The following UBE2E2 variants were observed in gnomAD, a reference collection of about 807,000 sequenced individuals.
The protein encoded by UBE2E2 is ubiquitin-conjugating enzyme E2 E2.
UBE2E2 carries 6 observed loss-of-function variants against 24.7 expected under a neutral mutation model. That is an observed-to-expected ratio of 0.24 (90% CI 0.13 to 0.48). The LOEUF (loss-of-function observed/expected upper bound fraction) is 0.48, where lower values mean the gene tolerates loss of function less well. Ranked by LOEUF, UBE2E2 falls within the 20% of genes least tolerant of loss-of-function variation. UBE2E2 has a pLI of 0.99. For synonymous variants in UBE2E2, 104 were observed against 83.6 expected, an observed-to-expected ratio of 1.24 and a Z score of -1.33; for missense variants, 169 against 245.0, an observed-to-expected ratio of 0.69 and a Z score of 2.07.
chr3:23,442,656 C>A (rs1041035050), intron 3 of UBE2E2, among the ~76,000 whole-genome samples: 3 of 152,074 alleles, frequency 2.0e-5, no homozygotes, highest in Non-Finnish European at 4.4e-5. Flanking sequence ...GATGTCAGAG[C>A]GTTTTTTAAA....
At chr3:23,480,630 G>GA (rs34377610) in intron 3 of UBE2E2, among the ~76,000 whole-genome samples, 13,613 of 109,600 alleles carry the variant, frequency 0.12, 797 homozygotes, top group Non-Finnish European at 0.16. Flanking sequence ...CTTGTCTCAG[G>GA]AAAAAAAAAA....
chr3:23,319,977 C>A (rs1025440593), intron 3 of UBE2E2, among the ~76,000 whole-genome samples: 2 of 152,026 alleles, frequency 1.3e-5, no homozygotes, highest in African/African-American at 4.8e-5. Flanking sequence ...GGTAGTTTTT[C>A]CCCAGTGGTG....
At chr3:23,456,178 A>G (rs1012380193) in intron 3 of UBE2E2, among the ~76,000 whole-genome samples, 3 of 152,216 alleles carry the variant, frequency 2.0e-5, no homozygotes, top group Non-Finnish European at 4.4e-5. Flanking sequence ...CAGCAAATCA[A>G]TATCTTTAGG....
intron 4 of UBE2E2, among the ~76,000 whole-genome samples, chr3:23,521,466 T>A (rs1575682680): frequency 6.6e-6 from 1 of 152,254 alleles, no homozygotes; most frequent in Non-Finnish European, 1.5e-5. Context: ...GTCTAAGAGA[T>A]GTTGGTCCTT....
chr3:23,528,539 C>T (rs1013251025), intron 4 of UBE2E2, among the ~76,000 whole-genome samples: 83 of 152,190 alleles, frequency 5.5e-4, no homozygotes, highest in African/African-American at 1.9e-3. Context: ...AAGTCTCCGC[C>T]TTTTTACTTT....
chr3:23,286,501 G>GGT (rs1553598248), intron 3 of UBE2E2, among the ~76,000 whole-genome samples: 1 of 151,998 alleles, frequency 6.6e-6, no homozygotes, highest in Non-Finnish European at 1.5e-5. Context: ...TTGTTTCATT[G>GGT]GTCTGTGTGT....
intron 4 of UBE2E2, among the ~76,000 whole-genome samples, chr3:23,514,810 G>A (rs6776424): frequency 0.61 from 92,700 of 151,802 alleles, 28,829 homozygotes; most frequent in East Asian, 0.73. Flanking sequence ...TGAGGCCACA[G>A]TACTGAATTG....
At chr3:23,542,046 G>A (rs1384866597) in intron 5 of UBE2E2, among the ~76,000 whole-genome samples, 1 of 152,194 alleles carries the variant, frequency 6.6e-6, no homozygotes, top group Admixed American at 6.5e-5. Context: ...AGCTTTGGAT[G>A]CCAGCATTAT....
rs1053140858 is a variant in UBE2E2 at position 23,297,696 on chromosome 3, A to T, written c.227+80384A>T. ...GCTGTTTTGGTTACTGTAGCCTTGT[A>T]GTATAGTTTGAAGTCAGGTAGCATG... On this transcript the variant is annotated intron_variant, in intron 3 of 5. Coordinates refer to ENST00000396703, the MANE Select transcript of UBE2E2 (RefSeq NM_152653.4). 7.9e-5 allele frequency among the ~76,000 whole-genome samples: 12 copies of T among 152,100 alleles called. No individual in the cohort carries two copies. The South Asian group carries it at 8.3e-4, about 11-fold the overall frequency.
chr3:23,364,847 A>C (rs895386728), intron 3 of UBE2E2, among the ~76,000 whole-genome samples: 1 of 152,216 alleles, frequency 6.6e-6, no homozygotes, highest in Non-Finnish European at 1.5e-5. Flanking sequence ...AATATTCCTG[A>C]TGACCATAGA....
chr3:23,512,358 C>T (rs543847130), intron 4 of UBE2E2, among the ~76,000 whole-genome samples: 12 of 152,228 alleles, frequency 7.9e-5, no homozygotes, highest in African/African-American at 1.7e-4. Flanking sequence ...GCCAGGACTA[C>T]AGGCATGTGC....
intron 3 of UBE2E2, among the ~76,000 whole-genome samples, chr3:23,279,113 A>G (rs1173084378): frequency 6.6e-6 from 1 of 152,118 alleles, no homozygotes; most frequent in East Asian, 1.9e-4. Context: ...TGTTGTTGTA[A>G]TAAACATGGT....
At chr3:23,397,160 A>T (rs1697099206) in intron 3 of UBE2E2, among the ~76,000 whole-genome samples, 1 of 152,238 alleles carries the variant, frequency 6.6e-6, no homozygotes, top group Admixed American at 6.5e-5. Context: ...AATGCCAGGT[A>T]AAATAAACAG....
intron 5 of UBE2E2, among the ~76,000 whole-genome samples, chr3:23,562,815 G>A (rs1002642878): frequency 7.2e-5 from 11 of 152,144 alleles, no homozygotes; most frequent in Admixed American, 2.0e-4. Flanking sequence ...TAAGTGTCCA[G>A]GAATTTATCC....
Position 23,589,665 on chromosome 3 carries a change from C to A in UBE2E2, c.509-69C>A. ...CATCTCCTACCCTCCCACTCCTTGC[C>A]AGCTTTCTGAACACTTCTTCCCCCA... is the stretch of plus-strand genomic sequence containing the variant. On this transcript the variant is annotated intron_variant, in intron 5 of 5. Coordinates refer to ENST00000396703, the MANE Select transcript of UBE2E2 (RefSeq NM_152653.4). This position sits in a 1 kb window ranked among gnomAD's most constrained non-coding sequence, Gnocchi z 4.1. 1 of 1,544,744 alleles carries A rather than the reference C, an allele frequency of 6.5e-7. No individual in the cohort carries two copies.
At chr3:23,275,282 A>C (rs913929160) in intron 3 of UBE2E2, among the ~76,000 whole-genome samples, 4 of 152,210 alleles carry the variant, frequency 2.6e-5, no homozygotes, top group Admixed American at 6.5e-5. Context: ...TCGGTAGCCT[A>C]GGTGGAGTAG....
intron 3 of UBE2E2, among the ~76,000 whole-genome samples, chr3:23,301,255 T>A (rs892318232): frequency 2.0e-5 from 3 of 152,226 alleles, no homozygotes; most frequent in Non-Finnish European, 4.4e-5. Context: ...CAGAGTAGTT[T>A]GATTGTCTGA....
chr3:23,224,162 T>G (rs1416269687), intron 3 of UBE2E2, among the ~76,000 whole-genome samples: 1 of 148,900 alleles, frequency 6.7e-6, no homozygotes, highest in African/African-American at 2.5e-5. Context: ...TTAGGTTTTT[T>G]TTTTTTTTTT....
chr3:23,465,357 A>G (rs549430512), intron 3 of UBE2E2, among the ~76,000 whole-genome samples: 1 of 152,346 alleles, frequency 6.6e-6, no homozygotes, highest in African/African-American at 2.4e-5. Context: ...TAGGTATAAT[A>G]TAGCTTATCC....
Sources: gnomAD v4.1 joint callset for allele counts (sites outside exome capture counted in the v4.1 genomes callset) on GRCh38, gnomAD v4.1.1 for gene constraint, Gnocchi (gnomAD v3.1) non-coding constraint, MANE v1.5 for transcripts, NCBI Gene and HGNC (gene_info 2026-07-23, HGNC 2026-07-21) for gene names.